DENND1A: variants seen among roughly 807,000 people sequenced by gnomAD.
DENND1A encodes the protein DENN domain containing 1A.
A neutral mutation model predicts 113.7 loss-of-function variants in DENND1A; 51 were observed. The ratio of observed to expected loss-of-function variants is 0.45; its 90% CI spans 0.36 to 0.57. The LOEUF (loss-of-function observed/expected upper bound fraction) is 0.57. Among genes scored for constraint, DENND1A ranks in the 20% least tolerant of loss-of-function variants. The probability of loss-of-function intolerance (pLI) is 0.00; values close to 1 mark genes in which losing one functional copy is unlikely to be tolerated. For missense variants in DENND1A, 1,258 were observed against 1,395.9 expected (o/e 0.90, Z 1.57); for synonymous variants, 565 against 570.8 (o/e 0.99, Z 0.14).
intron 4 of DENND1A, among the ~76,000 whole-genome samples, chr9:123,766,320 A>C (rs1034300000): frequency 1.3e-5 from 2 of 152,142 alleles, no homozygotes; most frequent in African/African-American, 4.8e-5. Flanking sequence ...ATATGTCTTT[A>C]TAATTCCTGG....
chr9:123,381,125 G>A lies in DENND1A; in HGVS notation c.*307C>T, dbSNP rs2042246924. 2.6e-6 allele frequency: 1 copy of A among 386,666 alleles called. No homozygotes were observed. Among genetic ancestry groups the A allele is most frequent in the Non-Finnish European group, 4.8e-6 (1 of 208,990 alleles). The allele number at this position is 386,666 out of a possible 1,614,324, so 24.0% of individuals were successfully genotyped here. A position where few individuals can be genotyped will look rare whatever the true frequency, so the allele number is the denominator to read the frequency against. On this transcript the variant is annotated 3_prime_UTR_variant, in exon 24 of 24. Transcript: ENST00000394215. The surrounding 1 kb of genome is among the most constrained non-coding windows in gnomAD (Gnocchi z 4.7). ...GGGAAGGTGGGTAGGACTCGGTCTG[G>A]AGCAATATCATTGGCCCAGCTGACC...
chr9:123,723,375 G>A (rs2141187170), intron 5 of DENND1A, among the ~76,000 whole-genome samples: 1 of 152,320 alleles, frequency 6.6e-6, no homozygotes, highest in East Asian at 1.9e-4. Context: ...GATGAAATCA[G>A]TTAAGACTTT....
chr9:123,485,663 C>T (rs1312900030), intron 13 of DENND1A: 5 of 21,910 alleles, frequency 2.3e-4, no homozygotes, highest in Non-Finnish European at 5.3e-4. Context: ...CGCGCACACA[C>T]ACACACACAC....
At chr9:123,792,148 C>T (rs187628455) in intron 3 of DENND1A, among the ~76,000 whole-genome samples, 1 of 152,260 alleles carries the variant, frequency 6.6e-6, no homozygotes, top group East Asian at 1.9e-4. Flanking sequence ...CTTCTCCTTC[C>T]AATACTACCA....
chr9:123,424,725 T>C (rs1002855690), intron 19 of DENND1A, among the ~76,000 whole-genome samples: 1 of 152,236 alleles, frequency 6.6e-6, no homozygotes, highest in Admixed American at 6.5e-5. Context: ...TGTGTGACCT[T>C]GGTCAAGGTG....
chr9:123,579,573 A>G (rs1417274043), intron 12 of DENND1A, among the ~76,000 whole-genome samples: 1 of 152,180 alleles, frequency 6.6e-6, no homozygotes, highest in Admixed American at 6.5e-5. Flanking sequence ...TGCAGGGGGA[A>G]AATAAAAGCT....
chr9:123,688,799 G>C (rs901885260), intron 5 of DENND1A, among the ~76,000 whole-genome samples: 4 of 152,060 alleles, frequency 2.6e-5, no homozygotes, highest in Admixed American at 2.6e-4. Context: ...CTTACCCTCA[G>C]CCACTCCCGA....
chr9:123,902,292 T>A (rs75947200), intron 1 of DENND1A, among the ~76,000 whole-genome samples: 13,920 of 151,994 alleles, frequency 0.092, 766 homozygotes, highest in Admixed American at 0.12. Context: ...ACATTGGTTA[T>A]AATAATTACA....
chr9:123,514,341 T>C (rs979187027), intron 13 of DENND1A, among the ~76,000 whole-genome samples: 1 of 151,786 alleles, frequency 6.6e-6, no homozygotes, highest in Non-Finnish European at 1.5e-5. Flanking sequence ...AGGATGTTTA[T>C]GTGAGAGAGT....
chr9:123,665,174 C>G (rs1020573107), intron 8 of DENND1A, among the ~76,000 whole-genome samples: 1 of 152,214 alleles, frequency 6.6e-6, no homozygotes, highest in Middle Eastern at 3.4e-3. Flanking sequence ...TCTCAAGAAT[C>G]CAGAAAGACC....
At chr9:123,901,605 G>T (rs1488885668) in intron 1 of DENND1A, among the ~76,000 whole-genome samples, 2 of 152,014 alleles carry the variant, frequency 1.3e-5, no homozygotes, top group African/African-American at 4.8e-5. Flanking sequence ...TCCTAGTTCT[G>T]CCACGTCTTT....
intron 13 of DENND1A, among the ~76,000 whole-genome samples, chr9:123,516,884 CAAAAAAA>C (rs546001517): frequency 1.1e-3 from 105 of 93,240 alleles, no homozygotes; most frequent in Middle Eastern, 5.0e-3. Flanking sequence ...GACTCTGTCT[CAAAAAAA>C]AAAAAAAAAA....
At chr9:123,909,184 T>C (rs996324602) in intron 1 of DENND1A, among the ~76,000 whole-genome samples, 1 of 151,366 alleles carries the variant, frequency 6.6e-6, no homozygotes, top group Non-Finnish European at 1.5e-5. Context: ...AATATCACAC[T>C]ATGGGGCCTG....
rs192054845 is a variant in DENND1A, at chr9:123,747,280, A to G, written c.302+10423T>C. Reference sequence around the variant, plus strand: ...GTATTTTGGGTCCATTAATTCACATAAAGAGGTAGTTAAAATACCAGACTG... The same window carrying G: ...GTATTTTGGGTCCATTAATTCACATGAAGAGGTAGTTAAAATACCAGACTG... On this transcript the variant is annotated intron_variant, in intron 5 of 23. Transcript: ENST00000394215. Among the ~76,000 whole-genome samples the G allele has an allele frequency of 2.2e-4, 33 of 152,274 alleles. 1 individual carries two copies. Among genetic ancestry groups the G allele is most frequent in the Middle Eastern group, 3.4e-3 (1 of 294 alleles).
intron 8 of DENND1A, 103 bp from the exon 9 acceptor site, chr9:123,652,226 C>G: frequency 1.0e-6 from 1 of 991,052 alleles, no homozygotes. Context: ...AGAAAGTATA[C>G]TCTGTTCTTT....
At chr9:123,454,930 A>T in intron 15 of DENND1A, 151 bp from the exon 16 acceptor site, 2 of 683,386 alleles carry the variant, frequency 2.9e-6, no homozygotes, top group Non-Finnish European at 5.0e-6. Flanking sequence ...TCCTGGGTTC[A>T]AGCAATTCTC....
chr9:123,558,756 C>G (rs780750617), intron 12 of DENND1A, among the ~76,000 whole-genome samples: 9 of 152,238 alleles, frequency 5.9e-5, no homozygotes, highest in Non-Finnish European at 1.2e-4. Context: ...TCATTCATCT[C>G]AAGATGCCAC....
intron 5 of DENND1A, among the ~76,000 whole-genome samples, chr9:123,684,216 C>T (rs2064659083): frequency 6.6e-6 from 1 of 152,132 alleles, no homozygotes; most frequent in African/African-American, 2.4e-5. Context: ...CACACGTGAA[C>T]CCTTAAAATT....
At chr9:123,629,181 T>A (rs1444313535) in intron 10 of DENND1A, among the ~76,000 whole-genome samples, 2 of 152,194 alleles carry the variant, frequency 1.3e-5, no homozygotes, top group Non-Finnish European at 2.9e-5. Context: ...CTGGACTCAA[T>A]CACTCCGAAC....
Sources: gnomAD v4.1 joint callset for allele counts (sites outside exome capture counted in the v4.1 genomes callset) on GRCh38, gnomAD v4.1.1 for gene constraint, Gnocchi (gnomAD v3.1) non-coding constraint, MANE v1.5 for transcripts, NCBI Gene and HGNC (gene_info 2026-07-23, HGNC 2026-07-21) for gene names.